GRM5: variants seen among roughly 807,000 people sequenced by gnomAD.
GRM5 encodes metabotropic glutamate receptor 5.
GRM5 carries 19 observed loss-of-function variants against 83.1 expected under a neutral mutation model. The observed-to-expected ratio is 0.23, with a 90% CI of 0.16 to 0.34. The LOEUF (loss-of-function observed/expected upper bound fraction) is 0.34, where lower values mean the gene tolerates loss of function less well. Among genes scored for constraint, GRM5 ranks in the 10% least tolerant of loss-of-function variants. The pLI, the probability that GRM5 is intolerant of heterozygous loss-of-function variation, is 1.00. For missense variants in GRM5, 1,160 were observed against 1,588.3 expected (o/e 0.73, Z 4.58); for synonymous variants, 675 against 633.6 (o/e 1.07, Z -0.98).
intron 3 of GRM5, among the ~76,000 whole-genome samples, chr11:88,811,028 C>G (rs924780651): frequency 6.6e-6 from 1 of 152,054 alleles, no homozygotes; most frequent in African/African-American, 2.4e-5. Context: ...AAGTTTTGGG[C>G]AAAGATTATC....
intron 2 of GRM5, among the ~76,000 whole-genome samples, chr11:88,886,498 G>T (rs537374465): frequency 1.3e-5 from 2 of 152,208 alleles, no homozygotes; most frequent in South Asian, 4.2e-4. Context: ...TGGGGGACAG[G>T]ATTGCTAGGG....
At chr11:88,967,231 G>GTATATATATATATACACATATATATA (rs1939006077) in intron 2 of GRM5, among the ~76,000 whole-genome samples, 1 of 133,612 alleles carries the variant, frequency 7.5e-6, no homozygotes, top group Non-Finnish European at 1.6e-5. Context: ...GTGTGTGTAT[G>GTATATATATATATACACATATATATA]TATATATATA....
intron 4 of GRM5, among the ~76,000 whole-genome samples, chr11:88,620,207 C>T (rs1938596139): frequency 6.6e-6 from 1 of 152,208 alleles, no homozygotes; most frequent in Non-Finnish European, 1.5e-5. Context: ...TAGGAACTCC[C>T]TGAAGGCTAA....
chr11:88,767,534 T>G (rs2135445938), intron 3 of GRM5, among the ~76,000 whole-genome samples: 1 of 152,042 alleles, frequency 6.6e-6, no homozygotes, highest in South Asian at 2.1e-4. Flanking sequence ...TCAACATGTG[T>G]GAAGCTGGAG....
intron 4 of GRM5, among the ~76,000 whole-genome samples, chr11:88,652,512 A>G (rs920654278): frequency 2.0e-5 from 3 of 152,038 alleles, no homozygotes; most frequent in South Asian, 4.1e-4. Context: ...TGGCATTACT[A>G]TCTCCCTTCC....
intron 2 of GRM5, among the ~76,000 whole-genome samples, chr11:89,043,237 C>T (rs1220119840): frequency 2.0e-5 from 3 of 152,130 alleles, no homozygotes; most frequent in Admixed American, 6.5e-5. Flanking sequence ...CTCTAATAGG[C>T]CCTGTGGATA....
At chr11:88,571,622 T>A (rs1332698558) in intron 7 of GRM5, among the ~76,000 whole-genome samples, 1 of 152,186 alleles carries the variant, frequency 6.6e-6, no homozygotes, top group Non-Finnish European at 1.5e-5. Context: ...GGCAAAGGAA[T>A]CTTTATTTTG....
intron 4 of GRM5, among the ~76,000 whole-genome samples, chr11:88,605,525 A>G (rs2933179): frequency 0.95 from 144,070 of 152,172 alleles, 68,202 homozygotes; most frequent in East Asian, 1. Context: ...CCTTTAATTC[A>G]TTAATTAATT....
intron 6 of GRM5, among the ~76,000 whole-genome samples, chr11:88,596,679 A>G (rs894031313): frequency 3.3e-5 from 5 of 152,004 alleles, no homozygotes; most frequent in Non-Finnish European, 5.9e-5. Flanking sequence ...AAATATCTCT[A>G]TCCCTTTTGT....
rs142293684 is a variant in GRM5, at chr11:88,980,852, A to T, written c.661+66360T>A. 5.9e-5 allele frequency among the ~76,000 whole-genome samples: 9 copies of T among 152,196 alleles called. No homozygotes were observed. In the East Asian group the frequency reaches 1.7e-3, roughly 29 times the overall value. ...AAAATAAATAAATAAAAATAAAAGG[A>T]TATAACCTGACCTGTAGTAGTTCAG... On this transcript the variant is annotated intron_variant, in intron 2 of 9. Coordinates refer to ENST00000305447, the MANE Select transcript of GRM5 (RefSeq NM_001143831.3).
chr11:88,827,013 A>G (rs1482900920), intron 3 of GRM5, among the ~76,000 whole-genome samples: 1 of 152,238 alleles, frequency 6.6e-6, no homozygotes, highest in Non-Finnish European at 1.5e-5. Context: ...TACTGTAGGA[A>G]GCAAGAGGTT....
At chr11:88,563,923 A>C (rs1441635831) in intron 8 of GRM5, among the ~76,000 whole-genome samples, 1 of 152,184 alleles carries the variant, frequency 6.6e-6, no homozygotes, top group Non-Finnish European at 1.5e-5. Flanking sequence ...TTTGTATCAC[A>C]GAGAAGAAAT....
intron 2 of GRM5, among the ~76,000 whole-genome samples, chr11:88,996,043 A>G (rs1292364597): frequency 2.0e-5 from 3 of 152,226 alleles, no homozygotes; most frequent in Admixed American, 1.3e-4. Flanking sequence ...AAGAGTATAT[A>G]GCTGCTAGTC....
At chr11:88,590,124 A>C (rs1007154295) in intron 7 of GRM5, among the ~76,000 whole-genome samples, 3 of 152,222 alleles carry the variant, frequency 2.0e-5, no homozygotes, top group Non-Finnish European at 4.4e-5. Context: ...ACAATACTTA[A>C]AAGCATATTA....
chr11:88,961,603 T>C (rs188778528), intron 2 of GRM5, among the ~76,000 whole-genome samples: 797 of 152,340 alleles, frequency 5.2e-3, no homozygotes, highest in Non-Finnish European at 8.6e-3. Flanking sequence ...ATGGGCAAGA[T>C]ATTATCACCT....
chr11:88,622,041 C>T (rs915562505), intron 4 of GRM5, among the ~76,000 whole-genome samples: 4 of 152,054 alleles, frequency 2.6e-5, no homozygotes, highest in African/African-American at 7.2e-5. Flanking sequence ...GGCTATTGTA[C>T]CAATGGTGCA....
At chr11:88,604,235 C>T (rs990202159) in intron 5 of GRM5, among the ~76,000 whole-genome samples, 1 of 152,002 alleles carries the variant, frequency 6.6e-6, no homozygotes, top group Non-Finnish European at 1.5e-5. Context: ...AGAAAGTGAT[C>T]CAGCTGGAGA....
intron 3 of GRM5, among the ~76,000 whole-genome samples, chr11:88,814,572 A>C (rs1260284177): frequency 6.6e-6 from 1 of 152,290 alleles, no homozygotes; most frequent in South Asian, 2.1e-4. Flanking sequence ...GAATATTTCT[A>C]TATATATACT....
At chr11:88,965,517 T>C (rs1938928465) in intron 2 of GRM5, among the ~76,000 whole-genome samples, 1 of 152,140 alleles carries the variant, frequency 6.6e-6, no homozygotes, top group Non-Finnish European at 1.5e-5. Context: ...TCCATTGTAC[T>C]ACATTAAATA....
Sources: gnomAD v4.1 joint callset for allele counts (sites outside exome capture counted in the v4.1 genomes callset) on GRCh38, gnomAD v4.1.1 for gene constraint, MANE v1.5 for transcripts, NCBI Gene and HGNC (gene_info 2026-07-23, HGNC 2026-07-21) for gene names.